CTBP2: variants seen among roughly 807,000 people sequenced by gnomAD.
CTBP2 encodes the protein C-terminal binding protein 2, also known as C-terminal-binding protein 2.
In CTBP2, 30 loss-of-function variants were observed where a neutral mutation model predicts 80.3. The observed-to-expected ratio is 0.37, with a 90% CI of 0.28 to 0.51. The LOEUF is 0.51. CTBP2 is among the 20% of genes least tolerant of loss of function. The pLI, the probability that CTBP2 is intolerant of heterozygous loss-of-function variation, is 0.93. For missense variants in CTBP2, 1,212 were observed against 1,375.3 expected, an observed-to-expected ratio of 0.88 and a Z score of 1.88; for synonymous variants, 594 against 587.4, an observed-to-expected ratio of 1.01 and a Z score of -0.16.
At chr10:125,067,620 G>C (rs1844845176) in intron 2 of CTBP2, among the ~76,000 whole-genome samples, 1 of 152,136 alleles carries the variant, frequency 6.6e-6, no homozygotes, top group Admixed American at 6.6e-5. Flanking sequence ...TCAAAACCCA[G>C]GCAAAGGATA....
intron 2 of CTBP2, among the ~76,000 whole-genome samples, chr10:125,061,402 C>T (rs1009889619): frequency 3.3e-5 from 5 of 152,094 alleles, no homozygotes; most frequent in African/African-American, 1.2e-4. Flanking sequence ...CCGCCCTGCT[C>T]CACACCCCTA....
chr10:125,036,930 T>G (rs1214007574), intron 3 of CTBP2, among the ~76,000 whole-genome samples: 1 of 152,062 alleles, frequency 6.6e-6, no homozygotes, highest in Non-Finnish European at 1.5e-5. Context: ...AGCTTATACA[T>G]AGGAGGAGCA....
chr10:125,103,135 A>AT (rs1174208452), intron 2 of CTBP2, among the ~76,000 whole-genome samples: 1 of 152,188 alleles, frequency 6.6e-6, no homozygotes, highest in African/African-American at 2.4e-5. Context: ...AACAGGTAGT[A>AT]TAACATGCTG....
intron 1 of CTBP2, among the ~76,000 whole-genome samples, chr10:125,129,987 C>T (rs1276379670): frequency 2.6e-5 from 4 of 151,846 alleles, no homozygotes; most frequent in African/African-American, 9.7e-5. Flanking sequence ...GCTGGCTGTA[C>T]AGGGCTTGGA....
chr10:125,013,748 A>C (rs1253380243), intron 1 of CTBP2, among the ~76,000 whole-genome samples: 1 of 152,180 alleles, frequency 6.6e-6, no homozygotes, highest in African/African-American at 2.4e-5. Flanking sequence ...ACTCAAACTC[A>C]GGTCTCTCTG....
At chr10:125,018,746 C>T (rs893085055) in intron 1 of CTBP2, among the ~76,000 whole-genome samples, 4 of 152,202 alleles carry the variant, frequency 2.6e-5, no homozygotes, top group Non-Finnish European at 4.4e-5. Flanking sequence ...GCGGAGGCAC[C>T]GTGTTCATAT....
At chr10:125,101,538 C>A (rs1322492409) in intron 2 of CTBP2, among the ~76,000 whole-genome samples, 1 of 152,178 alleles carries the variant, frequency 6.6e-6, no homozygotes, top group Non-Finnish European at 1.5e-5. Flanking sequence ...TCATGGAAAC[C>A]CCAAACCTTT....
Position 124,986,233 on chromosome 10 carries a change from T to TTA in CTBP2, c.*3284_*3285insTA, listed in dbSNP as rs1952031014. 1 of 151,370 alleles carries TTA rather than the reference T, an allele frequency of 6.6e-6. No individual in the cohort carries two copies. Among genetic ancestry groups the TTA allele is most frequent in the Non-Finnish European group, 1.5e-5 (1 of 67,768 alleles). 9.4% of individuals were successfully genotyped at this position (151,370 alleles called of 1,614,324 possible). ...AATATTTGGTGTCCTGATAAGCACTTTCTAGACTATTGATGTGGCCAGGAA... is the reference window on the plus strand; with the variant it reads ...AATATTTGGTGTCCTGATAAGCACTTTATCTAGACTATTGATGTGGCCAGGAA... On this transcript the variant is annotated 3_prime_UTR_variant, in exon 9 of 9. Coordinates refer to ENST00000309035, the MANE Select transcript of CTBP2 (RefSeq NM_022802.3).
intron 2 of CTBP2, among the ~76,000 whole-genome samples, chr10:125,051,963 C>T (rs534951813): frequency 1.3e-5 from 2 of 152,194 alleles, no homozygotes; most frequent in African/African-American, 2.4e-5. Context: ...TCTCTCAAAT[C>T]CTTGGAAGGA....
chr10:125,056,803 C>A (rs372924415), intron 2 of CTBP2, among the ~76,000 whole-genome samples: 1 of 152,244 alleles, frequency 6.6e-6, no homozygotes, highest in Non-Finnish European at 1.5e-5. Context: ...GGCAGCAATG[C>A]GGACAGGTCA....
rs3208603 is a variant in CTBP2 at position 124,989,011 on chromosome 10, G to C, written c.*507C>G. 1 of 195,100 alleles carries C rather than the reference G, an allele frequency of 5.1e-6. No homozygotes were observed. The highest frequency in any genetic ancestry group is 8.7e-5 in the South Asian group (1 of 11,458). The allele number at this position is 195,100 out of a possible 1,614,324, so 12.1% of individuals were successfully genotyped here. On this transcript the variant is annotated 3_prime_UTR_variant, in exon 9 of 9. Coordinates refer to ENST00000309035, the MANE Select transcript of CTBP2 (RefSeq NM_022802.3). ...GCCTGTACTGTCTTCAATCCTATGC[G>C]TGCAGGTGTCTACCACAGGCAAACA...
chr10:125,069,636 A>C (rs1243496363), intron 2 of CTBP2, among the ~76,000 whole-genome samples: 2 of 152,164 alleles, frequency 1.3e-5, no homozygotes, highest in African/African-American at 4.8e-5. Context: ...ACAAGAAAAC[A>C]AAATTACTGG....
At chr10:125,091,057 G>A (rs1848691319) in intron 2 of CTBP2, among the ~76,000 whole-genome samples, 2 of 152,180 alleles carry the variant, frequency 1.3e-5, no homozygotes, top group African/African-American at 4.8e-5. Flanking sequence ...ACATGGTTCT[G>A]CCAAAAGAGA....
intron 1 of CTBP2, among the ~76,000 whole-genome samples, chr10:125,152,294 C>T (rs1860121571): frequency 1.3e-5 from 2 of 152,184 alleles, no homozygotes; most frequent in Non-Finnish European, 2.9e-5. Context: ...GGTGGGGCAC[C>T]CCCGCGGTCC....
intron 1 of CTBP2, among the ~76,000 whole-genome samples, chr10:125,123,766 G>T (rs1219805861): frequency 6.6e-6 from 1 of 152,238 alleles, no homozygotes; most frequent in Non-Finnish European, 1.5e-5. Context: ...GGAGCTGGCA[G>T]AGATGCTCGT....
At chr10:125,017,629 C>T (rs1237866317) in intron 1 of CTBP2, among the ~76,000 whole-genome samples, 2 of 152,236 alleles carry the variant, frequency 1.3e-5, no homozygotes, top group East Asian at 3.9e-4. Flanking sequence ...TCCATTTAAT[C>T]ACACAAAAGA....
At chr10:125,156,281 A>G (rs1341649733) in intron 1 of CTBP2, among the ~76,000 whole-genome samples, 1 of 152,192 alleles carries the variant, frequency 6.6e-6, no homozygotes, top group African/African-American at 2.4e-5. Context: ...TCCCTGATAG[A>G]TTAACAGAGG....
chr10:125,141,818 A>G (rs1401547957), intron 1 of CTBP2, among the ~76,000 whole-genome samples: 1 of 152,236 alleles, frequency 6.6e-6, no homozygotes, highest in Non-Finnish European at 1.5e-5. Flanking sequence ...CACAGTGAGC[A>G]CGCGGCAAAC....
At chr10:125,083,586 C>A (rs1426462264) in intron 2 of CTBP2, among the ~76,000 whole-genome samples, 2 of 152,192 alleles carry the variant, frequency 1.3e-5, no homozygotes, top group Non-Finnish European at 2.9e-5. Flanking sequence ...ACGCAAAGCC[C>A]TCTGTTTGCA....
Sources: allele counts gnomAD v4.1 joint callset (sites outside exome capture counted in the v4.1 genomes callset), GRCh38; gene constraint gnomAD v4.1.1; transcripts MANE v1.5; gene names NCBI Gene and HGNC (gene_info 2026-07-23, HGNC 2026-07-21).